CXorf66: variants seen among roughly 807,000 people sequenced by gnomAD.
CXorf66 encodes the protein uncharacterized protein CXorf66.
In CXorf66, 6 loss-of-function variants were observed where a neutral mutation model predicts 5.0. The ratio of observed to expected loss-of-function variants is 1.20; its 90% CI spans 0.65 to 2.36. The LOEUF (loss-of-function observed/expected upper bound fraction) is 2.36, where lower values mean the gene tolerates loss of function less well. Ranked by LOEUF, CXorf66 falls within the 30% of genes most tolerant of loss-of-function variation. The pLI, the probability that CXorf66 is intolerant of heterozygous loss-of-function variation, is 0.00. For synonymous variants in CXorf66, 98 were observed against 102.8 expected, an observed-to-expected ratio of 0.95 and a Z score of 0.28; for missense variants, 270 against 254.9, an observed-to-expected ratio of 1.06 and a Z score of -0.40.
intron 2 of CXorf66, 105 bp from the exon 3 acceptor site, chrX:139,956,844 T>C: frequency 1.3e-6 from 1 of 798,628 alleles, no homozygotes; most frequent in Non-Finnish European, 1.8e-6. Context: ...CTTTTGGGGC[T>C]TTAATATGAA....
chrX:139,957,523 G>A (rs971087909), intron 2 of CXorf66, among the ~76,000 whole-genome samples: 2 of 111,746 alleles, frequency 1.8e-5, no homozygotes, highest in African/African-American at 6.5e-5. Flanking sequence ...AGTTATCGGT[G>A]CATATTTAAA....
At chrX:139,962,582 G>A (rs1305924168) in intron 1 of CXorf66, among the ~76,000 whole-genome samples, 3 of 111,330 alleles carry the variant, frequency 2.7e-5, no homozygotes, top group South Asian at 7.6e-4. Flanking sequence ...TGAGGCCGGC[G>A]TCATCCTGAT....
At position 139,961,543 on chromosome X, in the gene CXorf66, A is replaced by G. The variant is rs557678825; in HGVS notation, c.89-3326T>C. On this transcript the variant is annotated intron_variant, in intron 1 of 2. Transcript: ENST00000370540. Reference sequence around the variant, plus strand: ...TCAATGAGACAGAAAATTAACAAGGATATTCACAACTTGAACTCAGCTCTG... The same window carrying G: ...TCAATGAGACAGAAAATTAACAAGGGTATTCACAACTTGAACTCAGCTCTG... Among the ~76,000 whole-genome samples the G allele has an allele frequency of 1.8e-4, 20 of 112,040 alleles. No homozygotes were observed. The East Asian group carries it at 3.1e-3, about 17-fold the overall frequency.
At position 139,956,639 on chromosome X, in the gene CXorf66, T is replaced by C; in HGVS notation, c.343A>G (p.Thr115Ala). Reference protein sequence around the residue: ...CSPETQPMLSTADKSSDSSSP... With the variant: ...CSPETQPMLSAADKSSDSSSP... ...GATGAATCAGATGACTTGTCTGCAG[T>C]AGATAGCATGGGTTGTGTTTCTGGA... The change falls in exon 3 of 3, where the codon ACT (threonine) becomes GCT (alanine). Residue 115 changes from threonine (T) to alanine (A), a missense_variant. Thr to Ala is a moderately conservative substitution (Grantham distance 58, BLOSUM62 0). Coordinates refer to ENST00000370540, the MANE Select transcript of CXorf66 (RefSeq NM_001013403.3). The C allele has an allele frequency of 8.3e-7, 1 of 1,211,529 alleles. No individual in the cohort carries two copies. Among genetic ancestry groups the C allele is most frequent in the Non-Finnish European group, 1.1e-6 (1 of 895,325 alleles).
At position 139,956,616 on chromosome X, in the gene CXorf66, T is replaced by C; in HGVS notation, c.366A>G (p.Ser122=). ...GTGCGGATGCCCTTTCTGGACTCGATGAATCAGATGACTTGTCTGCAGTAG... is the reference window on the plus strand; with the variant it reads ...GTGCGGATGCCCTTTCTGGACTCGACGAATCAGATGACTTGTCTGCAGTAG... ...MLSTADKSSD[S]SSPERASAQS... The change falls in exon 3 of 3, where the codon TCA becomes TCG. Residue 122 remains serine (S), a synonymous_variant. Coordinates refer to ENST00000370540, the MANE Select transcript of CXorf66 (RefSeq NM_001013403.3). 8.3e-7 allele frequency: 1 copy of C among 1,211,606 alleles called. No homozygotes were observed. The highest frequency in any genetic ancestry group is 1.8e-5 in the South Asian group (1 of 56,975).
chrX:139,955,905 T>C lies in CXorf66; in HGVS notation c.1077A>G (p.Leu359=), dbSNP rs761610936. 11 of 1,182,397 alleles carry C rather than the reference T, an allele frequency of 9.3e-6. No individual in the cohort carries two copies. The East Asian group carries it at 3.3e-4, about 35-fold the overall frequency. The change falls in exon 3 of 3, where the codon CTA becomes CTG. Residue 359 remains leucine (L), a synonymous_variant. Coordinates refer to ENST00000370540, the MANE Select transcript of CXorf66 (RefSeq NM_001013403.3). ...GYNQVTSEVT[L]ND ...TATTTTTGTTGAGCTCCTAATCATT[T>C]AGGGTTACTTCAGAGGTGACTTGAT...
chrX:139,956,531 T>G lies in CXorf66; in HGVS notation c.451A>C (p.Ser151Arg), dbSNP rs760029472. The G allele has an allele frequency of 5.0e-6, 6 of 1,211,666 alleles. No homozygotes were observed. Among genetic ancestry groups the G allele is most frequent in the African/African-American group, 1.7e-5 (1 of 57,785 alleles). ...SSLQKPSIPN[S>R]AGKLTRPSYP... Reference sequence around the variant, plus strand: ...GATGGCCTAGTTAACTTTCCTGCACTGTTTGGTATGGATGGCTTTTGTAGA... The same window carrying G: ...GATGGCCTAGTTAACTTTCCTGCACGGTTTGGTATGGATGGCTTTTGTAGA... The change falls in exon 3 of 3, where the codon AGT (serine) becomes CGT (arginine). Residue 151 changes from serine (S) to arginine (R), a missense_variant. Coordinates refer to ENST00000370540, the MANE Select transcript of CXorf66 (RefSeq NM_001013403.3).
At position 139,961,891 on chromosome X, in the gene CXorf66, G is replaced by A. The variant is rs760177612; in HGVS notation, c.88+3518C>T. On this transcript the variant is annotated intron_variant, in intron 1 of 2. Coordinates refer to ENST00000370540, the MANE Select transcript of CXorf66 (RefSeq NM_001013403.3). ...AAACTAATGAGATCAAAGAATCAACGTACCAGCATCTCTGGGACACAGCTA... is the reference window on the plus strand; with the variant it reads ...AAACTAATGAGATCAAAGAATCAACATACCAGCATCTCTGGGACACAGCTA... Among the ~76,000 whole-genome samples the A allele has an allele frequency of 3.6e-4, 40 of 111,714 alleles. 1 individual carries two copies. The highest frequency in any genetic ancestry group is 1.2e-3 in the African/African-American group (38 of 30,832).
intron 1 of CXorf66, among the ~76,000 whole-genome samples, chrX:139,961,914 C>T: frequency 9.0e-6 from 1 of 111,686 alleles, no homozygotes; most frequent in Admixed American, 9.6e-5. Flanking sequence ...TGGGACACAG[C>T]TAATACAGTG....
At position 139,956,790 on chromosome X, in the gene CXorf66, A is replaced by C. The variant is rs754827457; in HGVS notation, c.243-51T>G. On this transcript the variant is annotated intron_variant, in intron 2 of 2. Transcript: ENST00000370540. ...TAATGATTTAAAACAAAAGAGACCT[A>C]TTACTATTATCGGAGAACGTATGGT... The C allele has an allele frequency of 6.0e-5, 66 of 1,108,390 alleles. No homozygotes were observed. In the South Asian group the frequency reaches 1.3e-3, roughly 22 times the overall value. 91.3% of individuals were successfully genotyped at this position (1,108,390 alleles called of 1,213,427 possible).
chrX:139,959,664 A>G (rs932126569), intron 1 of CXorf66, among the ~76,000 whole-genome samples: 6 of 111,820 alleles, frequency 5.4e-5, no homozygotes, highest in African/African-American at 2.0e-4. Flanking sequence ...GACATCTCAT[A>G]CAGGAGAGCT....
At chrX:139,963,856 C>T (rs1157519324) in intron 1 of CXorf66, among the ~76,000 whole-genome samples, 1 of 111,807 alleles carries the variant, frequency 8.9e-6, no homozygotes, top group East Asian at 2.8e-4. Flanking sequence ...AACTGGCTAG[C>T]CATGTGCAGA....
intron 1 of CXorf66, among the ~76,000 whole-genome samples, chrX:139,959,642 C>A (rs2085586408): frequency 8.9e-6 from 1 of 112,147 alleles, no homozygotes; most frequent in Non-Finnish European, 1.9e-5. Context: ...GACCTCCCAG[C>A]AGGGGTCAAC....
At chrX:139,960,740 A>G (rs2085590492) in intron 1 of CXorf66, among the ~76,000 whole-genome samples, 1 of 111,599 alleles carries the variant, frequency 9.0e-6, no homozygotes. Context: ...CTCTGCAGAA[A>G]CTCTACAAGC....
intron 2 of CXorf66, among the ~76,000 whole-genome samples, chrX:139,957,773 G>T (rs1006287677): frequency 9.0e-6 from 1 of 111,251 alleles, no homozygotes; most frequent in Non-Finnish European, 1.9e-5. Context: ...CTTCATTTTC[G>T]CACTCTTATT....
intron 1 of CXorf66, among the ~76,000 whole-genome samples, chrX:139,961,210 G>A (rs1327848902): frequency 2.7e-5 from 3 of 111,404 alleles, no homozygotes; most frequent in Admixed American, 9.6e-5. Context: ...GACACACATA[G>A]GCTCAAAATA....
Position 139,956,495 on chromosome X carries a change from T to C in CXorf66, c.487A>G (p.Arg163Gly). 1 of 1,211,766 alleles carries C rather than the reference T, an allele frequency of 8.3e-7. No individual in the cohort carries two copies. Among genetic ancestry groups the C allele is most frequent in the Non-Finnish European group, 1.1e-6 (1 of 895,361 alleles). ...GKLTRPSYPK[R>G]SSKSSCSKKL... ...TTTGAGCATGATGACTTGGATGACC[T>C]TTTTGGATATGATGGCCTAGTTAAC... Residue 163 changes from arginine to glycine, a missense_variant, in exon 3 of 3, where the codon AGG (arginine) becomes GGG (glycine). Coordinates refer to ENST00000370540, the MANE Select transcript of CXorf66 (RefSeq NM_001013403.3).
In CXorf66 at chrX:139,958,334, C is replaced by G. The variant is rs1365209294; in HGVS notation, c.89-117G>C. ...TTTCTTCATGAATTATTTTTTAAAC[C>G]TGATTAATTGTACCACTGTTATGTT... On this transcript the variant is annotated intron_variant, in intron 1 of 2. Coordinates refer to ENST00000370540, the MANE Select transcript of CXorf66 (RefSeq NM_001013403.3). 20 of 539,928 alleles carry G rather than the reference C, an allele frequency of 3.7e-5. No individual in the cohort carries two copies. In the African/African-American group the frequency reaches 4.4e-4, roughly 12 times the overall value. 44.5% of individuals were successfully genotyped at this position (539,928 alleles called of 1,213,427 possible). A position where few individuals can be genotyped will look rare whatever the true frequency, so the allele number is the denominator to read the frequency against.
At chrX:139,959,546 AAGG>A (rs1193591493) in intron 1 of CXorf66, among the ~76,000 whole-genome samples, 1 of 112,412 alleles carries the variant, frequency 8.9e-6, no homozygotes, top group African/African-American at 3.2e-5. Context: ...GGATTCTGAC[AAGG>A]AGGATTCTTC....
Sources: allele counts gnomAD v4.1 joint callset (sites outside exome capture counted in the v4.1 genomes callset), GRCh38; gene constraint gnomAD v4.1.1; transcripts MANE v1.5; gene names NCBI Gene and HGNC (gene_info 2026-07-23, HGNC 2026-07-21).